The following GALNT13 variants were observed in gnomAD, a reference collection of about 807,000 sequenced individuals.
GALNT13 encodes polypeptide N-acetylgalactosaminyltransferase 13.
A neutral mutation model predicts 64.2 loss-of-function variants in GALNT13; 28 were observed. The observed-to-expected ratio is 0.44, with a 90% CI of 0.32 to 0.60. GALNT13 has a LOEUF of 0.60. Among genes scored for constraint, GALNT13 ranks in the 20% least tolerant of loss-of-function variants. The probability of loss-of-function intolerance (pLI) is 0.05; values close to 1 mark genes in which losing one functional copy is unlikely to be tolerated. For synonymous variants in GALNT13, 214 were observed against 224.6 expected (o/e 0.95, Z 0.42); for missense variants, 577 against 669.8 (o/e 0.86, Z 1.53).
rs1006990236 is a variant in GALNT13, at chr2:153,990,335, A to G, written c.142+45696A>G. ...GACCAACAGAGAAGATATATTTGCC[A>G]ATGGTGTGTTCTTTGTGTTATAATT... On this transcript the variant is annotated intron_variant, in intron 3 of 12. Coordinates refer to ENST00000392825, the MANE Select transcript of GALNT13 (RefSeq NM_052917.4). Among the ~76,000 whole-genome samples, 7 of 152,240 alleles carry G rather than the reference A, an allele frequency of 4.6e-5. No individual in the cohort carries two copies. In the East Asian group the frequency reaches 1.4e-3, roughly 29 times the overall value.
the GALNT13 span, among the ~76,000 whole-genome samples, chr2:153,445,827 T>G: frequency 6.6e-6 from 1 of 152,286 alleles, no homozygotes; most frequent in African/African-American, 2.4e-5. Context: ...AGCATATACA[T>G]TATAGTCAGG....
chr2:153,281,319 CG>C, the GALNT13 span, among the ~76,000 whole-genome samples: 9 of 86,556 alleles, frequency 1.0e-4, no homozygotes, highest in African/African-American at 3.5e-4. Context: ...ATGAGCCTTG[CG>C]TTTTTTTTTT....
At chr2:154,147,797 T>G (rs1218830639) in intron 4 of GALNT13, among the ~76,000 whole-genome samples, 2 of 152,126 alleles carry the variant, frequency 1.3e-5, no homozygotes, top group East Asian at 3.8e-4. Context: ...TTACTTATGT[T>G]TTTCCTACTT....
chr2:153,945,518 TC>T (rs930758042), intron 3 of GALNT13, among the ~76,000 whole-genome samples: 3 of 152,166 alleles, frequency 2.0e-5, no homozygotes, highest in African/African-American at 7.2e-5. Flanking sequence ...AATTGAAGTA[TC>T]ATGACATGTT....
chr2:154,242,312 C>T lies in GALNT13; in HGVS notation c.478+116C>T, dbSNP rs1573940643. On this transcript the variant is annotated intron_variant, in intron 5 of 12. Coordinates refer to ENST00000392825, the MANE Select transcript of GALNT13 (RefSeq NM_052917.4). Reference sequence around the variant, plus strand: ...ATAACTAGGCAATGATCTATATTTGCATTATAATTTTACTAGCCCTGCCAC... The same window carrying T: ...ATAACTAGGCAATGATCTATATTTGTATTATAATTTTACTAGCCCTGCCAC... 9.1e-6 allele frequency: 8 copies of T among 879,628 alleles called. No homozygotes were observed. In the East Asian group the frequency reaches 2.1e-4, roughly 23 times the overall value. 54.5% of individuals were successfully genotyped at this position (879,628 alleles called of 1,614,324 possible).
At chr2:153,118,013 T>A in the GALNT13 span, among the ~76,000 whole-genome samples, 94 of 152,158 alleles carry the variant, frequency 6.2e-4, no homozygotes, top group East Asian at 0.014. Flanking sequence ...ACTGTGGTCA[T>A]AGCAGGTTTT....
At chr2:154,091,583 G>A (rs1220091993) in intron 3 of GALNT13, among the ~76,000 whole-genome samples, 1 of 151,612 alleles carries the variant, frequency 6.6e-6, no homozygotes, top group Admixed American at 6.6e-5. Flanking sequence ...ATTCTTAAAT[G>A]TATGCCTTTG....
chr2:153,278,858 G>A, the GALNT13 span, among the ~76,000 whole-genome samples: 1 of 151,992 alleles, frequency 6.6e-6, no homozygotes, highest in South Asian at 2.1e-4. Flanking sequence ...GGTCCCATAC[G>A]AGTTTTAGAA....
the GALNT13 span, among the ~76,000 whole-genome samples, chr2:153,698,728 TCAA>T: frequency 6.6e-6 from 1 of 152,160 alleles, no homozygotes; most frequent in Admixed American, 6.6e-5. Flanking sequence ...CAGCTCTGGA[TCAA>T]GTGGACTTAA....
chr2:153,955,563 A>C (rs1429181212), intron 3 of GALNT13, among the ~76,000 whole-genome samples: 2 of 152,182 alleles, frequency 1.3e-5, no homozygotes, highest in Non-Finnish European at 2.9e-5. Flanking sequence ...TAAAGGGCTG[A>C]GTGCTGGGGA....
At chr2:153,449,623 A>G in the GALNT13 span, 1 of 153,424 alleles carries the variant, frequency 6.5e-6, no homozygotes, top group Admixed American at 6.5e-5. Context: ...TATAACAAAA[A>G]TACCTAAGAC....
chr2:154,259,891 T>C (rs1445233990), intron 8 of GALNT13, among the ~76,000 whole-genome samples: 3 of 152,080 alleles, frequency 2.0e-5, no homozygotes, highest in African/African-American at 7.2e-5. Context: ...ATTGTTGTTG[T>C]TGTTTTTTGA....
intron 3 of GALNT13, among the ~76,000 whole-genome samples, chr2:153,966,620 G>C (rs1487116143): frequency 6.6e-6 from 1 of 151,762 alleles, no homozygotes; most frequent in Non-Finnish European, 1.5e-5. Context: ...CGCCCGCCTC[G>C]GCCTTCCAAA....
chr2:154,368,859 A>G (rs926580127), intron 9 of GALNT13, among the ~76,000 whole-genome samples: 6 of 152,154 alleles, frequency 3.9e-5, no homozygotes, highest in Non-Finnish European at 8.8e-5. Flanking sequence ...AGGGGTAACA[A>G]GATCCTGCTG....
At chr2:154,318,276 T>G (rs372302037) in intron 9 of GALNT13, among the ~76,000 whole-genome samples, 1 of 152,186 alleles carries the variant, frequency 6.6e-6, no homozygotes, top group African/African-American at 2.4e-5. Flanking sequence ...CAAACATTTC[T>G]ACAGGAATTT....
In GALNT13 at chr2:154,280,813, G is replaced by A. The variant is rs564224787; in HGVS notation, c.976-20596G>A. Reference sequence around the variant, plus strand: ...CAGCAGATGTTACTGATATCTGAAAGGCAGTCACATCAGACATGGGAGAAG... The same window carrying A: ...CAGCAGATGTTACTGATATCTGAAAAGCAGTCACATCAGACATGGGAGAAG... On this transcript the variant is annotated intron_variant, in intron 8 of 12. Coordinates refer to ENST00000392825, the MANE Select transcript of GALNT13 (RefSeq NM_052917.4). 5.3e-5 allele frequency among the ~76,000 whole-genome samples: 8 copies of A among 152,286 alleles called. No individual in the cohort carries two copies. The East Asian group carries it at 1.5e-3, about 29-fold the overall frequency.
chr2:154,027,606 A>T (rs1415207434), intron 3 of GALNT13, among the ~76,000 whole-genome samples: 1 of 152,206 alleles, frequency 6.6e-6, no homozygotes, highest in Non-Finnish European at 1.5e-5. Flanking sequence ...CTGTTTAAGC[A>T]TGACCTTTCC....
the GALNT13 span, among the ~76,000 whole-genome samples, chr2:153,275,163 A>G: frequency 1.4e-4 from 21 of 152,292 alleles, no homozygotes; most frequent in African/African-American, 5.1e-4. Flanking sequence ...AGTTTGGTGT[A>G]TATTATTCAG....
the GALNT13 span, among the ~76,000 whole-genome samples, chr2:153,096,194 T>C: frequency 6.6e-6 from 1 of 152,164 alleles, no homozygotes; most frequent in Non-Finnish European, 1.5e-5. Context: ...CATGTTATTC[T>C]AGTCTTATTC....
Sources: allele counts gnomAD v4.1 joint callset (sites outside exome capture counted in the v4.1 genomes callset), GRCh38; gene constraint gnomAD v4.1.1; transcripts MANE v1.5; gene names NCBI Gene and HGNC (gene_info 2026-07-23, HGNC 2026-07-21).